The following TMPRSS13 variants were observed in gnomAD, a reference collection of about 807,000 sequenced individuals.
The protein encoded by TMPRSS13 is transmembrane protease serine 13.
A neutral mutation model predicts 68.4 loss-of-function variants in TMPRSS13; 50 were observed. The observed-to-expected ratio is 0.73, with a 90% CI of 0.58 to 0.93. The LOEUF (loss-of-function observed/expected upper bound fraction) is 0.93. TMPRSS13 is among the 40% of genes least tolerant of loss of function. TMPRSS13 has a pLI of 0.00. For synonymous variants in TMPRSS13, 267 were observed against 285.8 expected (o/e 0.93, Z 0.66); for missense variants, 615 against 729.2 (o/e 0.84, Z 1.80).
chr11:117,924,313 A>G (rs1442850953), intron 1 of TMPRSS13, among the ~76,000 whole-genome samples: 1 of 151,928 alleles, frequency 6.6e-6, no homozygotes, highest in Non-Finnish European at 1.5e-5. Flanking sequence ...TTCTAGAACC[A>G]TGATCTTCTG....
intron 6 of TMPRSS13, among the ~76,000 whole-genome samples, chr11:117,911,372 G>C (rs938298318): frequency 1.3e-5 from 2 of 152,142 alleles, no homozygotes; most frequent in Admixed American, 1.3e-4. Flanking sequence ...AGAATGGGCC[G>C]AGTAGAGGAG....
In TMPRSS13 at chr11:117,905,658, C is replaced by A; in HGVS notation, c.1361G>T (p.Gly454Val). ...LNETCWITGFGKTRETDDKTS... is the reference protein window; with the variant it reads ...LNETCWITGFVKTRETDDKTS... The stretch of plus-strand genomic sequence containing the variant: ...CTTACCATCTGTCTCCCTGGTCTTG[C>A]CAAAGCCTGTGATCCAGCAGGTCTC... The change falls in exon 10 of 13, where the codon GGC (glycine) becomes GTC (valine). Residue 454 changes from glycine to valine, a missense_variant. Physicochemically the swap from Gly to Val is moderately radical, Grantham distance 109. Coordinates refer to ENST00000524993, the MANE Select transcript of TMPRSS13 (RefSeq NM_001077263.3). 1 of 1,603,198 alleles carries A rather than the reference C, an allele frequency of 6.2e-7. No homozygotes were observed. Among genetic ancestry groups the A allele is most frequent in the South Asian group, 1.1e-5 (1 of 89,000 alleles).
intron 12 of TMPRSS13, chr11:117,902,996 A>T: frequency 9.8e-7 from 1 of 1,023,126 alleles, no homozygotes; most frequent in Non-Finnish European, 1.2e-6. Flanking sequence ...CTGAGCAATG[A>T]CTTCTGAGGT....
At position 117,922,962 on chromosome 11, in the gene TMPRSS13, C is replaced by A. The variant is rs1227485410; in HGVS notation, c.22-4124G>T. ...AGCTCCCAAGGGTCCTCACCCAAGG[C>A]TTGTTCAGGGCCCTCCAGACGTGTT... On this transcript the variant is annotated intron_variant, in intron 1 of 12. Coordinates refer to ENST00000524993, the MANE Select transcript of TMPRSS13 (RefSeq NM_001077263.3). The surrounding 1 kb of genome is among the most constrained non-coding windows in gnomAD (Gnocchi z 4.2). Among the ~76,000 whole-genome samples, 4 of 152,224 alleles carry A rather than the reference C, an allele frequency of 2.6e-5. No individual in the cohort carries two copies. The highest frequency in any genetic ancestry group is 5.9e-5 in the Non-Finnish European group (4 of 68,034).
intron 1 of TMPRSS13, among the ~76,000 whole-genome samples, chr11:117,921,851 A>G (rs2057651781): frequency 6.6e-6 from 1 of 152,148 alleles, no homozygotes; most frequent in Admixed American, 6.5e-5. Flanking sequence ...GAAGAGAACT[A>G]CAAGTCCCAA....
At position 117,903,943 on chromosome 11, in the gene TMPRSS13, C is replaced by G; in HGVS notation, c.1524+16G>C. On this transcript the variant is annotated intron_variant, in intron 11 of 12. Coordinates refer to ENST00000524993, the MANE Select transcript of TMPRSS13 (RefSeq NM_001077263.3). ...CAGGGTGCTGGGACCTGAGCCCCAC[C>G]CACAGGTACCCTCACCTGGCAGGAG... is the stretch of plus-strand genomic sequence containing the variant. 1.9e-6 allele frequency: 3 copies of G among 1,609,184 alleles called. No individual in the cohort carries two copies. The highest frequency in any genetic ancestry group is 2.7e-5 in the African/African-American group (2 of 74,888).
chr11:117,910,565 C>CA, intron 7 of TMPRSS13, 142 bp downstream of exon 7: 1 of 759,580 alleles, frequency 1.3e-6, no homozygotes, highest in Non-Finnish European at 2.1e-6. Flanking sequence ...ACAGGGACTC[C>CA]AGCCCTGAAG....
chr11:117,910,663 T>C (rs371854745), intron 7 of TMPRSS13, 44 bp downstream of exon 7: 3 of 1,580,740 alleles, frequency 1.9e-6, no homozygotes, highest in Non-Finnish European at 8.6e-7. Context: ...TGCCCTTTAC[T>C]CCCACACGAC....
At chr11:117,905,770 C>G (rs760572786) in intron 9 of TMPRSS13, 34 bp from the exon 10 acceptor site, 5 of 1,533,224 alleles carry the variant, frequency 3.3e-6, no homozygotes, top group Non-Finnish European at 4.4e-6. Context: ...AGTGAAGGAA[C>G]AAGGCTGAGA....
At chr11:117,929,089 C>T (rs722729) in intron 1 of TMPRSS13, among the ~76,000 whole-genome samples, 198 bp downstream of exon 1, 40,425 of 152,062 alleles carry the variant, frequency 0.27, 6,487 homozygotes, top group Middle Eastern at 0.37. Context: ...AGCAGCTTCT[C>T]CTCCCAGGGG....
chr11:117,909,951 T>A lies in TMPRSS13; in HGVS notation c.964A>T (p.Met322Leu). The A allele has an allele frequency of 2.5e-6, 4 of 1,614,132 alleles. No individual in the cohort carries two copies. Among genetic ancestry groups the A allele is most frequent in the Non-Finnish European group, 3.4e-6 (4 of 1,179,982 alleles). ...LQCSHCGLRA[M>L]TGRIVGGALA... is the part of the protein sequence containing the mutation. ...GCCCCTCCCACGATCCGCCCGGTCA[T>A]GGCCCTCAGTCCGCAGTCTGGAGGG... The change falls in exon 8 of 13, where the codon ATG becomes TTG. Residue 322 changes from methionine (M) to leucine (L), a missense_variant. Coordinates refer to ENST00000524993, the MANE Select transcript of TMPRSS13 (RefSeq NM_001077263.3).
chr11:117,906,990 T>C (rs74506418), intron 9 of TMPRSS13, among the ~76,000 whole-genome samples: 2,136 of 152,310 alleles, frequency 0.014, 48 homozygotes, highest in African/African-American at 0.047. Flanking sequence ...AAGGGTCTGC[T>C]TCCTGCCCAA....
chr11:117,928,290 G>A (rs2057726116), intron 1 of TMPRSS13, among the ~76,000 whole-genome samples: 1 of 152,214 alleles, frequency 6.6e-6, no homozygotes, highest in South Asian at 2.1e-4. Flanking sequence ...CCAGAGCAGA[G>A]GGCAAGGGAG....
At chr11:117,906,859 G>A (rs1246902086) in intron 9 of TMPRSS13, among the ~76,000 whole-genome samples, 2 of 152,134 alleles carry the variant, frequency 1.3e-5, no homozygotes, top group Admixed American at 1.3e-4. Context: ...AAAGTACTGT[G>A]ACTTCTAGTG....
chr11:117,903,130 G>A (rs1048219615), intron 12 of TMPRSS13: 4 of 1,309,270 alleles, frequency 3.1e-6, no homozygotes, highest in Admixed American at 7.5e-5. Flanking sequence ...GGAAAGAATG[G>A]TAGTTCTCAG....
At position 117,903,653 on chromosome 11, in the gene TMPRSS13, A is replaced by AC. The variant is rs749956906; in HGVS notation, c.1677+1dup. 9.3e-6 allele frequency: 15 copies of AC among 1,614,084 alleles called. No homozygotes were observed. Among genetic ancestry groups the AC allele is most frequent in the Non-Finnish European group, 1.2e-5 (14 of 1,180,006 alleles). ...TGCAGTGTCCTGCTGCAGGGATCTT[A>AC]CCTCCATCTTGCTGTAAATCCAGGG... On this transcript the variant is annotated splice_donor_variant, in intron 12 of 12. Coordinates refer to ENST00000524993, the MANE Select transcript of TMPRSS13 (RefSeq NM_001077263.3). LOFTEE classifies it high-confidence loss of function.
In TMPRSS13 at chr11:117,903,685, T is replaced by C. The variant is rs1351398035; in HGVS notation, c.1647A>G (p.Glu549=). The C allele has an allele frequency of 6.2e-7, 1 of 1,614,028 alleles. No individual in the cohort carries two copies. Among genetic ancestry groups the C allele is most frequent in the Non-Finnish European group, 8.5e-7 (1 of 1,180,030 alleles). The change falls in exon 12 of 13, where the codon GAA becomes GAG. Residue 549 remains glutamate, a synonymous_variant. Transcript: ENST00000524993. ...NKPGVYTKVT[E]VLPWIYSKME... ...TCTTGCTGTAAATCCAGGGAAGAAC[T>C]TCTGTCACTTTGGTGTACACACCAG... is the stretch of plus-strand genomic sequence containing the variant.
chr11:117,921,695 C>G (rs2057650385), intron 1 of TMPRSS13, among the ~76,000 whole-genome samples: 1 of 152,174 alleles, frequency 6.6e-6, no homozygotes, highest in Non-Finnish European at 1.5e-5. Flanking sequence ...TCTGCAGGCC[C>G]TGGGTCTGGG....
At chr11:117,908,073 A>C in intron 9 of TMPRSS13, 2 of 1,006,664 alleles carry the variant, frequency 2.0e-6, no homozygotes, top group Non-Finnish European at 2.4e-6. Flanking sequence ...AGGGTAAGCA[A>C]TTTGCCAGTC....
Sources: gnomAD v4.1 joint callset for allele counts (sites outside exome capture counted in the v4.1 genomes callset) on GRCh38, gnomAD v4.1.1 for gene constraint, Gnocchi (gnomAD v3.1) non-coding constraint, MANE v1.5 for transcripts, NCBI Gene and HGNC (gene_info 2026-07-23, HGNC 2026-07-21) for gene names.